The following KDM6A variants were observed in gnomAD, a reference collection of about 807,000 sequenced individuals.
KDM6A encodes the protein lysine demethylase 6A, also known as lysine-specific demethylase 6A.
In KDM6A, 11 loss-of-function variants were observed where a neutral mutation model predicts 117.6. That is an observed-to-expected ratio of 0.09 (90% CI 0.06 to 0.15). KDM6A has a LOEUF of 0.15. Ranked by LOEUF, KDM6A falls within the 10% of genes least tolerant of loss-of-function variation. The pLI is 1.00. For missense variants in KDM6A, 799 were observed against 1,077.3 expected, an observed-to-expected ratio of 0.74 and a Z score of 3.62; for synonymous variants, 384 against 396.1, an observed-to-expected ratio of 0.97 and a Z score of 0.36.
In KDM6A at chrX:45,069,893, A is replaced by G. The variant is rs1406156372; in HGVS notation, c.2394A>G (p.Gly798=). 1.7e-6 allele frequency: 2 copies of G among 1,211,290 alleles called. No individual in the cohort carries two copies. Among genetic ancestry groups the G allele is most frequent in the South Asian group, 1.8e-5 (1 of 56,974 alleles). The part of the protein sequence containing the change: ...ETPNSTASVE[G]LPNHVHQMTA... The stretch of plus-strand genomic sequence containing the variant: ...CTAACAGCACTGCCAGTGTCGAGGG[A>G]CTTCCTAATCATGTCCATCAGATGA... Residue 798 remains glycine (G), a synonymous_variant, in exon 18 of 30, where the codon GGA becomes GGG. Transcript: ENST00000611820.
Position 45,047,674 on chromosome X carries a change from C to CTTTT in KDM6A, c.655-4009_655-4006dup, listed in dbSNP as rs78749806. 2.2e-4 allele frequency among the ~76,000 whole-genome samples: 8 copies of CTTTT among 36,362 alleles called. 1 individual carries two copies. The highest frequency in any genetic ancestry group is 4.7e-4 in the Admixed American group (1 of 2,131). 31.6% of individuals were successfully genotyped at this position (36,362 alleles called of 115,157 possible). ...TCAAATATCTGCTTGCTTTTTTTTT[C>CTTTT]TTTTTTTTTTTTTTTTTTTTTTTTT... is the stretch of plus-strand genomic sequence containing the variant. On this transcript the variant is annotated intron_variant, in intron 8 of 29. Coordinates refer to ENST00000611820, the MANE Select transcript of KDM6A (RefSeq NM_001291415.2).
At position 45,107,068 on chromosome X, in the gene KDM6A, A is replaced by T. The variant is rs2046558603; in HGVS notation, c.4035-342A>T. Reference sequence around the variant, plus strand: ...ATACCCCTTATTTCACGGATGAGGAAATTGACTCCCAGAGAGGTTAACTGA... The same window carrying T: ...ATACCCCTTATTTCACGGATGAGGATATTGACTCCCAGAGAGGTTAACTGA... On this transcript the variant is annotated intron_variant, in intron 27 of 29. Coordinates refer to ENST00000611820, the MANE Select transcript of KDM6A (RefSeq NM_001291415.2). The T allele has an allele frequency of 1.5e-5, 3 of 196,036 alleles. No homozygotes were observed. In the South Asian group the frequency reaches 2.3e-4, roughly 15 times the overall value. 16.2% of individuals were successfully genotyped at this position (196,036 alleles called of 1,213,427 possible). A position where few individuals can be genotyped will look rare whatever the true frequency, so the allele number is the denominator to read the frequency against.
chrX:45,082,902 T>A, intron 23 of KDM6A, 113 bp downstream of exon 23: 1 of 538,598 alleles, frequency 1.9e-6, no homozygotes, highest in Non-Finnish European at 3.1e-6. Context: ...TTTTTTTAAG[T>A]TGACATGAAT....
intron 2 of KDM6A, among the ~76,000 whole-genome samples, chrX:44,902,473 T>C (rs2034414507): frequency 9.4e-6 from 1 of 106,782 alleles, no homozygotes; most frequent in African/African-American, 3.4e-5. Flanking sequence ...CACTGCAACC[T>C]CCGCCTCCTG....
chrX:45,053,908 C>T lies in KDM6A; in HGVS notation c.828C>T (p.Ser276=), dbSNP rs769805897. The change falls in exon 10 of 30, where the codon TCC becomes TCT. Residue 276 remains serine (S), a synonymous_variant. Transcript: ENST00000611820. ...ESYAIQYLQK[S]LEADPNSGQS... ...ATGCTATTCAGTATCTCCAAAAGTC[C>T]TTGGAAGCAGATCCTAATTCTGGCC... 2 of 1,206,942 alleles carry T rather than the reference C, an allele frequency of 1.7e-6. No individual in the cohort carries two copies. The highest frequency in any genetic ancestry group is 3.5e-5 in the South Asian group (2 of 56,871).
At chrX:45,038,146 C>CT (rs1392094623) in intron 8 of KDM6A, among the ~76,000 whole-genome samples, 6 of 111,116 alleles carry the variant, frequency 5.4e-5, no homozygotes, top group African/African-American at 2.0e-4. Flanking sequence ...TTGCTTGAAC[C>CT]TGGGAGGTGG....
intron 19 of KDM6A, among the ~76,000 whole-genome samples, chrX:45,077,317 A>G (rs1569537075): frequency 9.0e-6 from 1 of 111,279 alleles, no homozygotes; most frequent in Non-Finnish European, 1.9e-5. Context: ...GTTTTACTTT[A>G]TAGAAATATA....
chrX:45,040,765 C>T (rs1416971708), intron 8 of KDM6A, among the ~76,000 whole-genome samples: 4 of 61,251 alleles, frequency 6.5e-5, no homozygotes, highest in Non-Finnish European at 9.1e-5. Flanking sequence ...GCTGGCCGGG[C>T]GGGGGGCTGA....
chrX:45,003,089 C>A (rs963467658), intron 4 of KDM6A, among the ~76,000 whole-genome samples: 8 of 111,069 alleles, frequency 7.2e-5, no homozygotes, highest in Non-Finnish European at 1.3e-4. Context: ...TAGATGGTTC[C>A]TTCCTGGTTC....
intron 2 of KDM6A, among the ~76,000 whole-genome samples, chrX:44,912,731 C>T (rs1344538769): frequency 1.8e-5 from 2 of 111,926 alleles, no homozygotes; most frequent in Non-Finnish European, 3.8e-5. Context: ...AGCTTATTTT[C>T]CTTTTAAAAT....
At chrX:45,076,965 G>A in intron 19 of KDM6A, 139 bp downstream of exon 19, 2 of 454,443 alleles carry the variant, frequency 4.4e-6, no homozygotes, top group Non-Finnish European at 3.6e-6. Context: ...GGGGCGGGGG[G>A]GAAGATATAT....
intron 27 of KDM6A, among the ~76,000 whole-genome samples, chrX:45,097,067 G>A (rs1286318010): frequency 1.8e-5 from 2 of 111,194 alleles, no homozygotes; most frequent in Non-Finnish European, 3.8e-5. Flanking sequence ...CAGGAACATG[G>A]ATGGAGCTGG....
intron 8 of KDM6A, among the ~76,000 whole-genome samples, chrX:45,040,830 C>G: frequency 1.2e-5 from 1 of 84,942 alleles, no homozygotes; most frequent in Non-Finnish European, 2.4e-5. Context: ...GGCTGATCCC[C>G]CCACCTCCCT....
At chrX:44,972,124 G>A (rs770409696) in intron 3 of KDM6A, among the ~76,000 whole-genome samples, 11 of 111,548 alleles carry the variant, frequency 9.9e-5, no homozygotes, top group East Asian at 2.8e-4. Context: ...TTGGTCACTA[G>A]TGAAGGGTAA....
At chrX:44,924,906 C>G (rs2036216154) in intron 2 of KDM6A, among the ~76,000 whole-genome samples, 1 of 111,023 alleles carries the variant, frequency 9.0e-6, no homozygotes, top group African/African-American at 3.3e-5. Flanking sequence ...CCAGGCTGAT[C>G]TTGAACTCTT....
At chrX:45,051,341 G>C (rs1429770448) in intron 8 of KDM6A, among the ~76,000 whole-genome samples, 1 of 111,886 alleles carries the variant, frequency 8.9e-6, no homozygotes, top group Non-Finnish European at 1.9e-5. Context: ...TTGCTTGGGA[G>C]CTCAGTGTTT....
At chrX:45,047,666 TTTTTTTTC>T (rs1464769817) in intron 8 of KDM6A, among the ~76,000 whole-genome samples, 2,280 of 82,118 alleles carry the variant, frequency 0.028, 123 homozygotes, top group African/African-American at 0.12. Context: ...TCTGCTTGCT[TTTTTTTTC>T]TTTTTTTTTT....
chrX:45,073,232 A>G (rs1358033072), intron 18 of KDM6A, among the ~76,000 whole-genome samples: 1 of 111,681 alleles, frequency 9.0e-6, no homozygotes, highest in Non-Finnish European at 1.9e-5. Context: ...ATAGTATTCC[A>G]TGGTGTATGT....
chrX:44,928,310 G>A (rs1302227596), intron 2 of KDM6A, among the ~76,000 whole-genome samples: 1 of 111,580 alleles, frequency 9.0e-6, no homozygotes, highest in Non-Finnish European at 1.9e-5. Context: ...AAATAGAGAG[G>A]GAGTGTGTGC....
Sources: allele counts gnomAD v4.1 joint callset (sites outside exome capture counted in the v4.1 genomes callset), GRCh38; gene constraint gnomAD v4.1.1; transcripts MANE v1.5; gene names NCBI Gene and HGNC (gene_info 2026-07-23, HGNC 2026-07-21).